The following PTPN9 variants were observed in gnomAD, a reference collection of about 807,000 sequenced individuals.
The protein encoded by PTPN9 is tyrosine-protein phosphatase non-receptor type 9.
A neutral mutation model predicts 69.8 loss-of-function variants in PTPN9; 26 were observed. The observed-to-expected ratio is 0.37, with a 90% CI of 0.27 to 0.52. The LOEUF is 0.52. Ranked by LOEUF, PTPN9 falls within the 20% of genes least tolerant of loss-of-function variation. The probability of loss-of-function intolerance (pLI) is 0.91; values close to 1 mark genes in which losing one functional copy is unlikely to be tolerated. For synonymous variants in PTPN9, 274 were observed against 272.5 expected (o/e 1.01, Z -0.05); for missense variants, 549 against 740.3 (o/e 0.74, Z 3.00).
chr15:75,499,537 C>G (rs887736395), intron 7 of PTPN9, among the ~76,000 whole-genome samples: 2 of 150,342 alleles, frequency 1.3e-5, no homozygotes, highest in Non-Finnish European at 2.9e-5. Flanking sequence ...TCCCAAGTAG[C>G]TGGGACTACA....
In PTPN9 at chr15:75,524,768, ACT is replaced by A. The variant is rs1252593922; in HGVS notation, c.208-472_208-471del. 5.6e-5 allele frequency among the ~76,000 whole-genome samples: 5 copies of A among 89,112 alleles called. No homozygotes were observed. The South Asian group carries it at 1.4e-3, about 25-fold the overall frequency. The allele number at this position is 89,112 out of a possible 152,430, so 58.5% of individuals were successfully genotyped here. ...ACTCCAGCCTGGGTGACAAAATGAG[ACT>A]CTGTCTCAAAAAAAAAAAAAAAAAA... On this transcript the variant is annotated intron_variant, in intron 2 of 12. Coordinates refer to ENST00000618819, the MANE Select transcript of PTPN9 (RefSeq NM_002833.4).
At chr15:75,553,276 T>C (rs1205043044) in intron 1 of PTPN9, among the ~76,000 whole-genome samples, 1 of 152,186 alleles carries the variant, frequency 6.6e-6, no homozygotes, top group Non-Finnish European at 1.5e-5. Context: ...AAGATCTTAG[T>C]AGACTTGAAT....
chr15:75,548,444 T>C (rs1182154153), intron 1 of PTPN9, among the ~76,000 whole-genome samples: 2 of 149,618 alleles, frequency 1.3e-5, no homozygotes, highest in Non-Finnish European at 3.0e-5. Flanking sequence ...TTAATAGAGA[T>C]AGGGTTTTGC....
rs936813797 is a variant in PTPN9, at chr15:75,554,230, T to C, written c.63+24484A>G. Among the ~76,000 whole-genome samples the C allele has an allele frequency of 2.0e-5, 3 of 151,028 alleles. No homozygotes were observed. The South Asian group carries it at 6.3e-4, about 32-fold the overall frequency. ...TTTTTTTGAAATAGAATTTCGCTCT[T>C]ATTGCCCAGGCTGGAGTGCAATGGT... On this transcript the variant is annotated intron_variant, in intron 1 of 12. Coordinates refer to ENST00000618819, the MANE Select transcript of PTPN9 (RefSeq NM_002833.4).
At chr15:75,574,016 A>C (rs1026962565) in intron 1 of PTPN9, among the ~76,000 whole-genome samples, 1 of 152,200 alleles carries the variant, frequency 6.6e-6, no homozygotes, top group Admixed American at 6.6e-5. Flanking sequence ...AGGAGGAAAC[A>C]AGGAAAGAAG....
intron 3 of PTPN9, 96 bp downstream of exon 3, chr15:75,524,113 A>C (rs1320864751): frequency 1.9e-5 from 10 of 535,530 alleles, no homozygotes; most frequent in Non-Finnish European, 3.0e-5. Context: ...AATAATAATA[A>C]AATTAAAAAA....
Position 75,573,714 on chromosome 15 carries a change from A to G in PTPN9, c.63+5000T>C, listed in dbSNP as rs1424212881. On this transcript the variant is annotated intron_variant, in intron 1 of 12. Transcript: ENST00000618819. ...GTAAGTGCCAGTCATTATGTCAGTC[A>G]TTATGCTAGGCAATGTGCATATGAT... Among the ~76,000 whole-genome samples, 5 of 152,364 alleles carry G rather than the reference A, an allele frequency of 3.3e-5. No homozygotes were observed. In the East Asian group the frequency reaches 9.6e-4, roughly 29 times the overall value.
chr15:75,542,225 T>C (rs2075012200), intron 1 of PTPN9, among the ~76,000 whole-genome samples: 1 of 152,184 alleles, frequency 6.6e-6, no homozygotes, highest in Non-Finnish European at 1.5e-5. Flanking sequence ...GGTCTCTTTA[T>C]TCTGATATCC....
At chr15:75,576,480 C>A (rs181260853) in intron 1 of PTPN9, among the ~76,000 whole-genome samples, 1 of 151,502 alleles carries the variant, frequency 6.6e-6, no homozygotes, top group African/African-American at 2.4e-5. Flanking sequence ...TGCAGTGAGC[C>A]GAGATCACGC....
intron 11 of PTPN9, 114 bp from the exon 12 acceptor site, chr15:75,470,113 C>A: frequency 1.1e-6 from 1 of 951,594 alleles, no homozygotes; most frequent in Non-Finnish European, 1.6e-6. Context: ...AGGCTCCTAT[C>A]CACCACTGTC....
At chr15:75,495,226 G>C (rs1281354813) in intron 7 of PTPN9, among the ~76,000 whole-genome samples, 3 of 151,868 alleles carry the variant, frequency 2.0e-5, no homozygotes, top group Admixed American at 2.0e-4. Context: ...AAAGGAAAGA[G>C]GGAAAACTGC....
intron 7 of PTPN9, among the ~76,000 whole-genome samples, chr15:75,504,179 G>A (rs2074798115): frequency 7.8e-6 from 1 of 128,032 alleles, no homozygotes. Flanking sequence ...GGGAGGTGGG[G>A]GGGTCAGCCC....
intron 1 of PTPN9, among the ~76,000 whole-genome samples, chr15:75,553,216 TTTTAGAA>T (rs2075063284): frequency 6.6e-6 from 1 of 152,144 alleles, no homozygotes; most frequent in African/African-American, 2.4e-5. Context: ...AGTAAATCAA[TTTTAGAA>T]GCACCAGATG....
At chr15:75,473,494 G>A (rs924707934) in intron 10 of PTPN9, among the ~76,000 whole-genome samples, 195 bp downstream of exon 10, 2 of 152,158 alleles carry the variant, frequency 1.3e-5, no homozygotes, top group Non-Finnish European at 2.9e-5. Flanking sequence ...GTTTCACCAG[G>A]CTGGCCAGGC....
intron 7 of PTPN9, among the ~76,000 whole-genome samples, chr15:75,500,853 C>T (rs918699991): frequency 2.6e-5 from 4 of 151,492 alleles, no homozygotes; most frequent in Non-Finnish European, 5.9e-5. Flanking sequence ...TGCCACTATG[C>T]GCCAGTCTGG....
At chr15:75,490,558 A>T (rs2074703544) in intron 7 of PTPN9, among the ~76,000 whole-genome samples, 1 of 152,188 alleles carries the variant, frequency 6.6e-6, no homozygotes, top group Admixed American at 6.5e-5. Flanking sequence ...TAGTCCCAGC[A>T]CTTTGGGAGG....
chr15:75,503,326 C>A (rs1322168111), intron 7 of PTPN9, among the ~76,000 whole-genome samples: 1 of 144,230 alleles, frequency 6.9e-6, no homozygotes, highest in Non-Finnish European at 1.5e-5. Flanking sequence ...TGCCCGGTCG[C>A]GACCCCGTCT....
chr15:75,540,463 G>A (rs2075003203), intron 1 of PTPN9, among the ~76,000 whole-genome samples: 1 of 149,670 alleles, frequency 6.7e-6, no homozygotes, highest in South Asian at 2.1e-4. Flanking sequence ...TGAAGCAGGA[G>A]AATCGCTTAA....
chr15:75,532,275 G>T (rs1431162002), intron 1 of PTPN9, among the ~76,000 whole-genome samples: 1 of 151,998 alleles, frequency 6.6e-6, no homozygotes, highest in Admixed American at 6.6e-5. Flanking sequence ...GGTGGCAGGT[G>T]CCTGTAATCC....
Sources: allele counts gnomAD v4.1 joint callset (sites outside exome capture counted in the v4.1 genomes callset), GRCh38; gene constraint gnomAD v4.1.1; transcripts MANE v1.5; gene names NCBI Gene and HGNC (gene_info 2026-07-23, HGNC 2026-07-21).